MARK1: variants seen among roughly 807,000 people sequenced by gnomAD.
MARK1 encodes microtubule affinity regulating kinase 1.
Under a neutral mutation model 96.3 loss-of-function variants are expected in MARK1, and 40 were observed. The ratio of observed to expected loss-of-function variants is 0.42; its 90% confidence interval spans 0.32 to 0.54. The LOEUF is 0.54. Among genes scored for constraint, MARK1 ranks in the 20% least tolerant of loss-of-function variants. MARK1 has a pLI of 0.16. For missense variants in MARK1, 719 were observed against 984.6 expected (o/e 0.73, Z 3.61); for synonymous variants, 317 against 341.2 (o/e 0.93, Z 0.78).
intron 1 of MARK1, among the ~76,000 whole-genome samples, chr1:220,555,637 C>G (rs1662195528): frequency 6.6e-6 from 1 of 152,096 alleles, no homozygotes; most frequent in Non-Finnish European, 1.5e-5. Context: ...ATGAGATGAG[C>G]TATTCTGTGA....
At chr1:220,597,788 C>G (rs1045147035) in intron 3 of MARK1, among the ~76,000 whole-genome samples, 1 of 152,090 alleles carries the variant, frequency 6.6e-6, no homozygotes, top group Non-Finnish European at 1.5e-5. Context: ...TGTTTCAAGT[C>G]GCTTCTTGTC....
At chr1:220,581,826 A>G (rs1664261154) in intron 3 of MARK1, among the ~76,000 whole-genome samples, 1 of 152,220 alleles carries the variant, frequency 6.6e-6, no homozygotes, top group Non-Finnish European at 1.5e-5. Flanking sequence ...ACGTTACTTC[A>G]TTAATTACTT....
chr1:220,550,667 C>T (rs896519570), intron 1 of MARK1, among the ~76,000 whole-genome samples: 4 of 152,160 alleles, frequency 2.6e-5, no homozygotes, highest in African/African-American at 9.7e-5. Flanking sequence ...TCTGTTTGTC[C>T]TGTGTCCCTT....
intron 3 of MARK1, among the ~76,000 whole-genome samples, chr1:220,591,996 A>G (rs980424837): frequency 3.9e-4 from 60 of 151,950 alleles, no homozygotes; most frequent in Admixed American, 3.9e-3. Context: ...TAGTATTTCC[A>G]AAGTATTCAA....
chr1:220,588,239 A>G (rs1037777980), intron 3 of MARK1, among the ~76,000 whole-genome samples: 5 of 152,206 alleles, frequency 3.3e-5, no homozygotes, highest in Non-Finnish European at 5.9e-5. Context: ...CTGAGCACCA[A>G]CTTATACCCA....
chr1:220,613,061 G>A (rs1409908584), intron 6 of MARK1, among the ~76,000 whole-genome samples: 1 of 152,192 alleles, frequency 6.6e-6, no homozygotes, highest in African/African-American at 2.4e-5. Flanking sequence ...TCAGTACCCA[G>A]CTGACAGTAA....
intron 3 of MARK1, among the ~76,000 whole-genome samples, chr1:220,593,190 CT>C (rs1665111246): frequency 6.6e-6 from 1 of 151,514 alleles, no homozygotes; most frequent in Non-Finnish European, 1.5e-5. Context: ...AAAATAAGTA[CT>C]GTTTGTATTT....
At chr1:220,659,751 T>G (rs988211574) in intron 17 of MARK1, among the ~76,000 whole-genome samples, 2 of 152,204 alleles carry the variant, frequency 1.3e-5, no homozygotes, top group African/African-American at 4.8e-5. Context: ...AATTCTAGTC[T>G]TCACTTTTCA....
intron 3 of MARK1, among the ~76,000 whole-genome samples, chr1:220,593,560 G>A (rs1337738858): frequency 2.0e-5 from 3 of 152,086 alleles, no homozygotes; most frequent in Non-Finnish European, 2.9e-5. Context: ...GTTGAAATAA[G>A]AAGCCTAGAT....
At chr1:220,539,212 A>T (rs574913844) in intron 1 of MARK1, among the ~76,000 whole-genome samples, 3 of 152,020 alleles carry the variant, frequency 2.0e-5, no homozygotes, top group African/African-American at 4.8e-5. Flanking sequence ...GGTTTGTCAT[A>T]GATAGCTCTT....
intron 1 of MARK1, among the ~76,000 whole-genome samples, chr1:220,558,435 T>TA (rs141835103): frequency 0.12 from 17,600 of 151,402 alleles, 1,373 homozygotes; most frequent in Non-Finnish European, 0.17. Context: ...CTCTCTTATT[T>TA]AAAAAAATAG....
chr1:220,569,310 T>A (rs1663272711), intron 1 of MARK1, among the ~76,000 whole-genome samples: 1 of 152,166 alleles, frequency 6.6e-6, no homozygotes, highest in African/African-American at 2.4e-5. Flanking sequence ...TTTCTCAATT[T>A]ATTTTCTGCC....
chr1:220,653,788 T>C (rs1669023873), intron 16 of MARK1, among the ~76,000 whole-genome samples: 1 of 152,182 alleles, frequency 6.6e-6, no homozygotes, highest in Non-Finnish European at 1.5e-5. Flanking sequence ...GAGTCACAGA[T>C]CACTTATGCA....
intron 16 of MARK1, among the ~76,000 whole-genome samples, chr1:220,657,192 G>A (rs1012998910): frequency 2.0e-5 from 3 of 152,108 alleles, no homozygotes; most frequent in East Asian, 3.9e-4. Flanking sequence ...GTTTTATTTC[G>A]CAGGTGGATA....
intron 3 of MARK1, among the ~76,000 whole-genome samples, chr1:220,597,130 C>T (rs1048907380): frequency 2.0e-5 from 3 of 152,050 alleles, no homozygotes; most frequent in African/African-American, 7.2e-5. Context: ...TGTTGATAGA[C>T]TCTGGTTGCG....
intron 17 of MARK1, among the ~76,000 whole-genome samples, chr1:220,659,466 C>T (rs1261443237): frequency 3.9e-5 from 6 of 152,170 alleles, no homozygotes; most frequent in Admixed American, 6.5e-5. Context: ...TTCAACTCTG[C>T]GTGCCTCCAT....
intron 13 of MARK1, among the ~76,000 whole-genome samples, chr1:220,642,259 C>T (rs1668315919): frequency 6.6e-6 from 1 of 152,206 alleles, no homozygotes; most frequent in Non-Finnish European, 1.5e-5. Context: ...TTGGGGGCAA[C>T]CGCCATTACT....
At chr1:220,537,767 A>G (rs1489624145) in intron 1 of MARK1, among the ~76,000 whole-genome samples, 1 of 151,296 alleles carries the variant, frequency 6.6e-6, no homozygotes, top group African/African-American at 2.4e-5. Flanking sequence ...TGACTTTTTA[A>G]TGATTGCCAT....
At chr1:220,587,349 C>G (rs12140031) in intron 3 of MARK1, among the ~76,000 whole-genome samples, 11 of 115,608 alleles carry the variant, frequency 9.5e-5, no homozygotes, top group African/African-American at 2.3e-4. Flanking sequence ...CTCTCTCTCT[C>G]TCTGTCTCTC....
Sources: gnomAD v4.1 joint callset for allele counts (sites outside exome capture counted in the v4.1 genomes callset) on GRCh38, gnomAD v4.1.1 for gene constraint, MANE v1.5 for transcripts, NCBI Gene and HGNC (gene_info 2026-07-23, HGNC 2026-07-21) for gene names.